Variants in BOC observed in about 807,000 individuals in gnomAD.
BOC encodes BOC cell adhesion associated, oncogene regulated.
A neutral mutation model predicts 112.0 loss-of-function variants in BOC; 76 were observed. The ratio of observed to expected loss-of-function variants is 0.68; its 90% CI spans 0.56 to 0.82. The LOEUF is 0.82. Ranked by LOEUF, BOC falls within the 40% of genes least tolerant of loss-of-function variation. The pLI, the probability that BOC is intolerant of heterozygous loss-of-function variation, is 0.00. For missense variants in BOC, 1,309 were observed against 1,511.7 expected (o/e 0.87, Z 2.22); for synonymous variants, 580 against 599.8 (o/e 0.97, Z 0.48).
At chr3:113,228,564 C>T (rs940293392) in intron 2 of BOC, among the ~76,000 whole-genome samples, 1 of 152,148 alleles carries the variant, frequency 6.6e-6, no homozygotes, top group African/African-American at 2.4e-5. Flanking sequence ...CCTGCACTAC[C>T]AGGCCCCATG....
At chr3:113,234,104 T>C (rs1943095313) in intron 2 of BOC, among the ~76,000 whole-genome samples, 1 of 152,172 alleles carries the variant, frequency 6.6e-6, no homozygotes, top group South Asian at 2.1e-4. Flanking sequence ...GGGAGACTTA[T>C]AAACAAGTAA....
At chr3:113,242,606 T>C (rs1944446034) in intron 2 of BOC, among the ~76,000 whole-genome samples, 1 of 152,172 alleles carries the variant, frequency 6.6e-6, no homozygotes, top group African/African-American at 2.4e-5. Context: ...AAATAGGCTC[T>C]GTTTGTTAGC....
chr3:113,230,924 T>C (rs1162269306), intron 2 of BOC, among the ~76,000 whole-genome samples: 1 of 152,268 alleles, frequency 6.6e-6, no homozygotes, highest in African/African-American at 2.4e-5. Context: ...GTAAAGTTTG[T>C]TAACAAAATA....
intron 4 of BOC, among the ~76,000 whole-genome samples, chr3:113,263,866 G>C (rs1164868948): frequency 1.3e-5 from 2 of 152,222 alleles, no homozygotes; most frequent in Non-Finnish European, 2.9e-5. Flanking sequence ...ATGTACCTTT[G>C]ACAGTCTAAT....
intron 4 of BOC, among the ~76,000 whole-genome samples, chr3:113,257,518 CTTGATTT>C (rs1946362242): frequency 6.6e-6 from 1 of 152,036 alleles, no homozygotes; most frequent in African/African-American, 2.4e-5. Context: ...TTCCCCTAGT[CTTGATTT>C]TTAAATATAT....
intron 11 of BOC, among the ~76,000 whole-genome samples, 154 bp from the exon 12 acceptor site, chr3:113,279,095 C>A (rs1948940270): frequency 6.6e-6 from 1 of 152,148 alleles, no homozygotes; most frequent in Non-Finnish European, 1.5e-5. Context: ...GTGGGGAGGT[C>A]TGATGTGAAC....
chr3:113,287,002 T>A lies in BOC; in HGVS notation c.*140T>A. The A allele has an allele frequency of 1.0e-6, 1 of 954,394 alleles. No homozygotes were observed. Among genetic ancestry groups the A allele is most frequent in the South Asian group, 1.5e-5 (1 of 68,702 alleles). 59.1% of individuals were successfully genotyped at this position (954,394 alleles called of 1,614,324 possible). On this transcript the variant is annotated 3_prime_UTR_variant, in exon 20 of 20. Transcript: ENST00000682979. ...ATTTATGCACTTGTAAATAAATGTA[T>A]ATGTTTTATAATTCTGGAGAGACAT... is the stretch of plus-strand genomic sequence containing the variant.
At chr3:113,233,682 G>A (rs1943020314) in intron 2 of BOC, among the ~76,000 whole-genome samples, 1 of 152,064 alleles carries the variant, frequency 6.6e-6, no homozygotes, top group Non-Finnish European at 1.5e-5. Flanking sequence ...GAAGAGCTGG[G>A]GACCTCACCG....
intron 2 of BOC, among the ~76,000 whole-genome samples, chr3:113,236,282 GTATATA>G (rs71706132): frequency 0.022 from 1,444 of 64,552 alleles, 180 homozygotes; most frequent in African/African-American, 0.028. Context: ...ATACCCATGG[GTATATA>G]TATATATATA....
chr3:113,240,267 G>A (rs1286688833), intron 2 of BOC, among the ~76,000 whole-genome samples: 4 of 152,194 alleles, frequency 2.6e-5, no homozygotes, highest in Admixed American at 1.3e-4. Context: ...CAACAACAAC[G>A]AGCACAGTGT....
intron 2 of BOC, among the ~76,000 whole-genome samples, chr3:113,229,385 G>A (rs978616932): frequency 2.6e-5 from 4 of 152,154 alleles, no homozygotes; most frequent in African/African-American, 9.7e-5. Context: ...GCTTAAATTT[G>A]CGCATGCTTG....
intron 9 of BOC, among the ~76,000 whole-genome samples, chr3:113,277,231 A>G (rs1020429641): frequency 3.9e-5 from 6 of 152,244 alleles, no homozygotes; most frequent in African/African-American, 1.4e-4. Flanking sequence ...TTTGCTGGGC[A>G]TCTACTGTGC....
chr3:113,280,923 AG>A, intron 14 of BOC, 107 bp from the exon 15 acceptor site: 1 of 1,454,932 alleles, frequency 6.9e-7, no homozygotes, highest in Non-Finnish European at 9.4e-7. Flanking sequence ...TGTGCCAGTC[AG>A]TGGCATCCTC....
intron 2 of BOC, among the ~76,000 whole-genome samples, chr3:113,244,104 C>T (rs1217068146): frequency 6.6e-6 from 1 of 152,154 alleles, no homozygotes; most frequent in East Asian, 1.9e-4. Context: ...TGTTCATTGG[C>T]CAGCACTAGT....
intron 2 of BOC, among the ~76,000 whole-genome samples, chr3:113,246,979 C>T (rs371726909): frequency 6.6e-6 from 1 of 152,140 alleles, no homozygotes; most frequent in Non-Finnish European, 1.5e-5. Context: ...GGCTGGTCCT[C>T]GTTAAGCAGG....
intron 11 of BOC, among the ~76,000 whole-genome samples, 159 bp from the exon 12 acceptor site, chr3:113,279,090 G>A (rs1274275532): frequency 1.3e-5 from 2 of 152,212 alleles, no homozygotes; most frequent in Admixed American, 1.3e-4. Context: ...CAGCCGTGGG[G>A]AGGTCTGATG....
rs1441604396 is a variant in BOC, at chr3:113,279,835, A to G, written c.2035A>G (p.Lys679Glu). 6.2e-7 allele frequency: 1 copy of G among 1,606,718 alleles called. No individual in the cohort carries two copies. Among genetic ancestry groups the G allele is most frequent in the Non-Finnish European group, 8.5e-7 (1 of 1,176,254 alleles). ...ITGLEKGTSY[K>E]FRVRALNMLG... The stretch of plus-strand genomic sequence containing the variant: ...GTCCCTCTCACCAGGCACCTCCTAC[A>G]AGTTTCGAGTCCGGGCTCTGAACAT... Residue 679 changes from lysine to glutamate, a missense_variant, in exon 13 of 20, where the codon AAG (lysine) becomes GAG (glutamate). Physicochemically the swap from Lys to Glu is moderately conservative, Grantham distance 56. Transcript: ENST00000682979.
chr3:113,283,859 C>G (rs1165080855), intron 16 of BOC, among the ~76,000 whole-genome samples: 1 of 151,790 alleles, frequency 6.6e-6, no homozygotes, highest in African/African-American at 2.4e-5. Context: ...ACCTTTGGAG[C>G]TCGGGACCTA....
At chr3:113,281,178 C>T (rs368169451) in intron 15 of BOC, 25 bp downstream of exon 15, 12 of 1,613,100 alleles carry the variant, frequency 7.4e-6, no homozygotes, top group Non-Finnish European at 9.3e-6. Flanking sequence ...GTTCTCTCTC[C>T]TGTCTTGGTG....
Sources: gnomAD v4.1 joint callset for allele counts (sites outside exome capture counted in the v4.1 genomes callset) on GRCh38, gnomAD v4.1.1 for gene constraint, MANE v1.5 for transcripts, NCBI Gene and HGNC (gene_info 2026-07-23, HGNC 2026-07-21) for gene names.